KCNIP4: variants seen among roughly 807,000 people sequenced by gnomAD.
KCNIP4 encodes potassium voltage-gated channel interacting protein 4.
In KCNIP4, 12 loss-of-function variants were observed where a neutral mutation model predicts 34.0. That is an observed-to-expected ratio of 0.35 (90% CI 0.23 to 0.57). KCNIP4 has a LOEUF of 0.57. Ranked by LOEUF, KCNIP4 falls within the 20% of genes least tolerant of loss-of-function variation. KCNIP4 has a pLI of 0.83. For synonymous variants in KCNIP4, 124 were observed against 102.2 expected (o/e 1.21, Z -1.29); for missense variants, 238 against 311.7 (o/e 0.76, Z 1.78).
intron 1 of KCNIP4, among the ~76,000 whole-genome samples, chr4:21,662,784 T>C (rs1298031090): frequency 4.6e-5 from 7 of 152,164 alleles, no homozygotes; most frequent in African/African-American, 1.7e-4. Context: ...TATTGTTTTA[T>C]CAGGAAAAAA....
intron 1 of KCNIP4, among the ~76,000 whole-genome samples, chr4:21,055,894 C>T (rs1177965139): frequency 1.3e-5 from 2 of 152,036 alleles, no homozygotes. Context: ...TGTTAAAACC[C>T]CTAGAATGTA....
At chr4:21,384,521 A>G (rs1027167524) in intron 1 of KCNIP4, among the ~76,000 whole-genome samples, 1 of 152,210 alleles carries the variant, frequency 6.6e-6, no homozygotes, top group African/African-American at 2.4e-5. Context: ...GACAAATGTA[A>G]TCCCATGGTA....
intron 3 of KCNIP4, among the ~76,000 whole-genome samples, chr4:20,795,442 A>C (rs1386169846): frequency 1.3e-5 from 2 of 152,086 alleles, no homozygotes; most frequent in East Asian, 3.9e-4. Context: ...TTTTCATTCT[A>C]ATTTGTCATA....
intron 1 of KCNIP4, among the ~76,000 whole-genome samples, chr4:20,950,288 A>G (rs1447520730): frequency 2.0e-5 from 3 of 151,926 alleles, no homozygotes; most frequent in South Asian, 2.1e-4. Flanking sequence ...ATGGCTCACT[A>G]TTATCTTAGC....
At chr4:21,417,146 A>C (rs1725019601) in intron 1 of KCNIP4, among the ~76,000 whole-genome samples, 1 of 152,102 alleles carries the variant, frequency 6.6e-6, no homozygotes, top group African/African-American at 2.4e-5. Flanking sequence ...CTCTCACTCT[A>C]TGAAGCCAGT....
intron 1 of KCNIP4, among the ~76,000 whole-genome samples, chr4:21,026,336 T>G (rs536347446): frequency 6.6e-6 from 1 of 152,312 alleles, no homozygotes; most frequent in South Asian, 2.1e-4. Flanking sequence ...TGTTAGTATC[T>G]GGATGGCTTG....
chr4:20,880,680 A>G (rs1424276832), intron 2 of KCNIP4, among the ~76,000 whole-genome samples: 1 of 152,316 alleles, frequency 6.6e-6, no homozygotes, highest in East Asian at 1.9e-4. Flanking sequence ...ACAGTGTACA[A>G]ATGACTATAT....
chr4:21,064,275 A>AC (rs1164822964), intron 1 of KCNIP4, among the ~76,000 whole-genome samples: 4 of 152,238 alleles, frequency 2.6e-5, no homozygotes, highest in East Asian at 3.9e-4. Context: ...GGAAAAAGAA[A>AC]TGTCTCTTAC....
chr4:21,601,199 T>TA (rs1743115649), intron 1 of KCNIP4, among the ~76,000 whole-genome samples: 1 of 151,894 alleles, frequency 6.6e-6, no homozygotes, highest in Non-Finnish European at 1.5e-5. Context: ...CAAACTATCA[T>TA]CAAACCAAAT....
At chr4:21,805,935 A>C (rs1721266475) in intron 1 of KCNIP4, among the ~76,000 whole-genome samples, 1 of 152,206 alleles carries the variant, frequency 6.6e-6, no homozygotes. Flanking sequence ...ATTAGGCATG[A>C]TGAAATGAAT....
At chr4:21,573,515 T>A (rs964975845) in intron 1 of KCNIP4, among the ~76,000 whole-genome samples, 2 of 152,196 alleles carry the variant, frequency 1.3e-5, no homozygotes, top group Admixed American at 6.5e-5. Context: ...GGGATTTATT[T>A]TTTTTCTTTT....
chr4:21,851,195 G>C (rs927189863), intron 1 of KCNIP4: 8 of 152,094 alleles, frequency 5.3e-5, no homozygotes, highest in African/African-American at 1.9e-4. Flanking sequence ...GGAGAGGAGA[G>C]GGGTTAAGCT....
intron 1 of KCNIP4, among the ~76,000 whole-genome samples, chr4:20,996,417 C>G (rs1464468358): frequency 6.6e-6 from 1 of 152,164 alleles, no homozygotes; most frequent in African/African-American, 2.4e-5. Context: ...CAATTCAGAC[C>G]AATGTAATCC....
intron 3 of KCNIP4, among the ~76,000 whole-genome samples, chr4:20,821,400 A>T (rs1717086818): frequency 6.6e-6 from 1 of 152,244 alleles, no homozygotes; most frequent in Non-Finnish European, 1.5e-5. Flanking sequence ...CAGCTGGACA[A>T]CAATTTGCTT....
intron 3 of KCNIP4, among the ~76,000 whole-genome samples, chr4:20,795,462 C>A (rs1262452406): frequency 6.6e-6 from 1 of 152,230 alleles, no homozygotes; most frequent in African/African-American, 2.4e-5. Context: ...AGTTTTCATT[C>A]TAATTTGTTT....
intron 1 of KCNIP4, among the ~76,000 whole-genome samples, chr4:20,891,309 A>T (rs1725888664): frequency 6.6e-6 from 1 of 152,152 alleles, no homozygotes; most frequent in Non-Finnish European, 1.5e-5. Flanking sequence ...TGAATCAATA[A>T]CTATGACAAA....
At chr4:20,935,657 T>C (rs141253622) in intron 1 of KCNIP4, among the ~76,000 whole-genome samples, 95 of 152,340 alleles carry the variant, frequency 6.2e-4, no homozygotes, top group African/African-American at 2.2e-3. Flanking sequence ...CAATATTTGA[T>C]ATAAAATATG....
At chr4:21,503,051 G>A (rs912943766) in intron 1 of KCNIP4, among the ~76,000 whole-genome samples, 6 of 152,058 alleles carry the variant, frequency 3.9e-5, no homozygotes, top group African/African-American at 1.4e-4. Context: ...TATTTAATGT[G>A]ACAAAATTCC....
chr4:21,713,450 G>T (rs139650932), intron 1 of KCNIP4, among the ~76,000 whole-genome samples: 46 of 152,178 alleles, frequency 3.0e-4, no homozygotes, highest in Middle Eastern at 3.4e-3. Context: ...AAATATATCT[G>T]CACTCTTCTT....
Sources: allele counts gnomAD v4.1 joint callset (sites outside exome capture counted in the v4.1 genomes callset), GRCh38; gene constraint gnomAD v4.1.1; transcripts MANE v1.5; gene names NCBI Gene and HGNC (gene_info 2026-07-23, HGNC 2026-07-21).